Variants in DOCK8 observed in about 807,000 individuals in gnomAD.
DOCK8 encodes dedicator of cytokinesis protein 8.
A neutral mutation model predicts 245.6 loss-of-function variants in DOCK8; 141 were observed. The observed-to-expected ratio is 0.57, with a 90% confidence interval of 0.50 to 0.66. DOCK8 has a LOEUF of 0.66. Ranked by LOEUF, DOCK8 falls within the 30% of genes least tolerant of loss-of-function variation. The pLI is 0.00. For synonymous variants in DOCK8, 1,168 were observed against 970.2 expected, an observed-to-expected ratio of 1.20 and a Z score of -3.79; for missense variants, 2,965 against 2,603.4, an observed-to-expected ratio of 1.14 and a Z score of -3.02.
At chr9:400,665 CCAGCATCTT>C (rs2054915692) in intron 26 of DOCK8, among the ~76,000 whole-genome samples, 6 of 111,616 alleles carry the variant, frequency 5.4e-5, no homozygotes, top group Admixed American at 1.7e-4. Flanking sequence ...TCCACCACCA[CCAGCATCTT>C]CACCATCACC....
intron 32 of DOCK8, 24 bp downstream of exon 32, chr9:421,102 G>C (rs760969981): frequency 1.2e-6 from 2 of 1,613,540 alleles, no homozygotes; most frequent in Non-Finnish European, 1.7e-6. Context: ...GCCCTTCCCT[G>C]CTCTCTGTCA....
chr9:295,020 C>T (rs948862215), intron 4 of DOCK8, among the ~76,000 whole-genome samples: 16 of 152,098 alleles, frequency 1.1e-4, no homozygotes, highest in East Asian at 1.9e-4. Context: ...ATTAGCTGGG[C>T]GTGGTGGCAC....
At chr9:390,762 C>G (rs2054155872) in intron 24 of DOCK8, among the ~76,000 whole-genome samples, 196 bp downstream of exon 24, 1 of 152,184 alleles carries the variant, frequency 6.6e-6, no homozygotes, top group Non-Finnish European at 1.5e-5. Flanking sequence ...TATCGCCGTC[C>G]TGTGAGTTCT....
chr9:446,255 C>G (rs2057254240), intron 43 of DOCK8, 115 bp from the exon 44 acceptor site: 1 of 877,320 alleles, frequency 1.1e-6, no homozygotes, highest in African/African-American at 1.6e-5. Flanking sequence ...TGTAGCTTTT[C>G]TGCACTGGGC....
In DOCK8 at chr9:287,806, A is replaced by G. The variant is rs78447866; in HGVS notation, c.332+1170A>G. The stretch of plus-strand genomic sequence containing the variant: ...ACTATTTCATCTTTAGTGAAGAATC[A>G]TTTAATTTATTCCTTTATGTAAAAT... On this transcript the variant is annotated intron_variant, in intron 3 of 47. Transcript: ENST00000432829. Among the ~76,000 whole-genome samples the G allele has an allele frequency of 2.5e-3, 384 of 152,320 alleles. 9 individuals are homozygous for G. The East Asian group carries it at 0.063, about 25-fold the overall frequency.
intron 26 of DOCK8, among the ~76,000 whole-genome samples, chr9:400,995 C>CCTCCACCACCACCACCTCCTTCACCAT (rs2055050172): frequency 1.8e-5 from 1 of 54,636 alleles, no homozygotes; most frequent in Non-Finnish European, 2.9e-5. Context: ...TCCTCCACCA[C>CCTCCACCACCACCACCTCCTTCACCAT]CACCACCATT....
At chr9:389,969 G>A (rs1464065896) in intron 23 of DOCK8, among the ~76,000 whole-genome samples, 1 of 151,936 alleles carries the variant, frequency 6.6e-6, no homozygotes, top group East Asian at 1.9e-4. Context: ...TGCAGTGAGC[G>A]AGATTACGCC....
At chr9:336,975 G>T (rs2130899175) in intron 12 of DOCK8, among the ~76,000 whole-genome samples, 2 of 152,196 alleles carry the variant, frequency 1.3e-5, no homozygotes, top group South Asian at 4.2e-4. Context: ...TTGCTGGCGG[G>T]GCCTCTCTGT....
At chr9:403,904 A>C (rs374922791) in intron 26 of DOCK8, among the ~76,000 whole-genome samples, 3,361 of 86,586 alleles carry the variant, frequency 0.039, 68 homozygotes, top group East Asian at 0.049. Context: ...ATATATATAT[A>C]TATATATATA....
chr9:349,095 G>A (rs992734205), intron 14 of DOCK8, among the ~76,000 whole-genome samples: 4 of 152,196 alleles, frequency 2.6e-5, no homozygotes, highest in Non-Finnish European at 4.4e-5. Context: ...CTGTGTCAGG[G>A]TTTCCCAAGG....
chr9:268,743 T>G (rs1350165357), intron 1 of DOCK8, among the ~76,000 whole-genome samples: 2 of 152,206 alleles, frequency 1.3e-5, no homozygotes, highest in Admixed American at 6.5e-5. Flanking sequence ...GAAAAAGGCT[T>G]TGGCTTGGTT....
intron 28 of DOCK8, among the ~76,000 whole-genome samples, chr9:412,618 C>G (rs541427716): frequency 1.3e-5 from 2 of 151,800 alleles, no homozygotes; most frequent in South Asian, 2.1e-4. Context: ...TATACACTTA[C>G]GATGAGCAAT....
At chr9:347,275 G>A (rs978684865) in intron 14 of DOCK8, among the ~76,000 whole-genome samples, 3 of 152,058 alleles carry the variant, frequency 2.0e-5, no homozygotes, top group South Asian at 2.1e-4. Flanking sequence ...AGGCCGAGGC[G>A]GGAGGATCCA....
chr9:408,680 A>G (rs1163232429), intron 28 of DOCK8, among the ~76,000 whole-genome samples: 1 of 152,216 alleles, frequency 6.6e-6, no homozygotes, highest in Non-Finnish European at 1.5e-5. Flanking sequence ...ATTTCTAGAA[A>G]CATCTTTAGT....
chr9:357,666 A>G (rs569349004), intron 14 of DOCK8, among the ~76,000 whole-genome samples: 4 of 152,190 alleles, frequency 2.6e-5, no homozygotes, highest in African/African-American at 9.6e-5. Flanking sequence ...GTACAGTACC[A>G]GCGTTTATGT....
At chr9:238,155 T>C (rs765464522) in intron 1 of DOCK8, among the ~76,000 whole-genome samples, 2 of 152,222 alleles carry the variant, frequency 1.3e-5, no homozygotes, top group African/African-American at 4.8e-5. Context: ...GTTTTAATAA[T>C]AACAATGCAC....
chr9:426,817 A>C (rs1206232363), intron 33 of DOCK8, 68 bp from the exon 34 acceptor site: 5 of 1,247,894 alleles, frequency 4.0e-6, no homozygotes, highest in Non-Finnish European at 5.9e-6. Context: ...CTTGGTGTAT[A>C]GATTGCCATC....
At chr9:344,782 T>G (rs1022931165) in intron 14 of DOCK8, among the ~76,000 whole-genome samples, 3 of 152,206 alleles carry the variant, frequency 2.0e-5, no homozygotes, top group Admixed American at 1.3e-4. Context: ...GTGTGGTGGC[T>G]CACACCTATA....
intron 1 of DOCK8, among the ~76,000 whole-genome samples, chr9:244,721 A>C (rs1328710296): frequency 6.6e-6 from 1 of 152,210 alleles, no homozygotes; most frequent in Non-Finnish European, 1.5e-5. Context: ...CTAGAGTTCC[A>C]TCACACTTCA....
Sources: allele counts gnomAD v4.1 joint callset (sites outside exome capture counted in the v4.1 genomes callset), GRCh38; gene constraint gnomAD v4.1.1; transcripts MANE v1.5; gene names NCBI Gene and HGNC (gene_info 2026-07-23, HGNC 2026-07-21).